The following NAV2 variants were observed in gnomAD, a reference collection of about 807,000 sequenced individuals.
The protein encoded by NAV2 is neuron navigator 2, also known as helicase, APC down-regulated 1.
NAV2 carries 54 observed loss-of-function variants against 223.2 expected under a neutral mutation model. The observed-to-expected ratio is 0.24, with a 90% CI of 0.19 to 0.30. NAV2 has a LOEUF of 0.30. Among genes scored for constraint, NAV2 ranks in the 10% least tolerant of loss-of-function variants. The pLI, the probability that NAV2 is intolerant of heterozygous loss-of-function variation, is 1.00. For missense variants in NAV2, 2,806 were observed against 3,147.5 expected, an observed-to-expected ratio of 0.89 and a Z score of 2.60; for synonymous variants, 1,279 against 1,239.3, an observed-to-expected ratio of 1.03 and a Z score of -0.67.
At chr11:19,763,800 GT>G (rs36000037) in intron 1 of NAV2, among the ~76,000 whole-genome samples, 6,870 of 87,450 alleles carry the variant, frequency 0.079, 305 homozygotes, top group African/African-American at 0.22. Context: ...TGTTTTTTTT[GT>G]TTTTTTTTTA....
At chr11:19,355,977 C>T (rs901049032) in intron 1 of NAV2, among the ~76,000 whole-genome samples, 1 of 152,224 alleles carries the variant, frequency 6.6e-6, no homozygotes, top group African/African-American at 2.4e-5. Flanking sequence ...TCAGCCCCAG[C>T]TCCCCAGATG....
chr11:20,112,950 A>G (rs1867124), intron 36 of NAV2, among the ~76,000 whole-genome samples: 131,173 of 152,172 alleles, frequency 0.86, 57,690 homozygotes, highest in Middle Eastern at 0.96. Context: ...GAGGGCAGGG[A>G]GAGCAGACAG....
At chr11:20,051,154 C>A in intron 16 of NAV2, 135 bp from the exon 17 acceptor site, 2 of 717,674 alleles carry the variant, frequency 2.8e-6, no homozygotes, top group Non-Finnish European at 5.0e-6. Flanking sequence ...GCATTGCACG[C>A]CTAGCTGGAT....
chr11:19,555,755 C>T (rs776268389), intron 1 of NAV2, among the ~76,000 whole-genome samples: 5 of 152,070 alleles, frequency 3.3e-5, no homozygotes, highest in Non-Finnish European at 7.4e-5. Context: ...ATGCCACCAC[C>T]AAGGAACAAT....
chr11:19,823,116 G>A (rs2059464409), intron 1 of NAV2, among the ~76,000 whole-genome samples: 1 of 152,208 alleles, frequency 6.6e-6, no homozygotes, highest in Admixed American at 6.5e-5. Context: ...GTGATCAGGG[G>A]TCACTGTAGC....
intron 1 of NAV2, among the ~76,000 whole-genome samples, chr11:19,352,193 G>A (rs917462420): frequency 2.6e-5 from 4 of 152,166 alleles, no homozygotes; most frequent in African/African-American, 4.8e-5. Context: ...GTTTTGTGGT[G>A]TTTGATTTAT....
intron 10 of NAV2, among the ~76,000 whole-genome samples, chr11:19,962,334 T>C (rs954092243): frequency 6.6e-6 from 1 of 152,044 alleles, no homozygotes; most frequent in Non-Finnish European, 1.5e-5. Flanking sequence ...ATCTAAAATA[T>C]TCCTTTGCAA....
the NAV2 span, among the ~76,000 whole-genome samples, chr11:19,345,684 G>C: frequency 6.6e-6 from 1 of 152,246 alleles, no homozygotes; most frequent in Non-Finnish European, 1.5e-5. This position sits in a 1 kb window ranked among gnomAD's most constrained non-coding sequence, Gnocchi z 5.2. Context: ...GCGGGGCTGG[G>C]CGCCCGGCGC....
chr11:19,566,149 G>A (rs2045263489), intron 1 of NAV2, among the ~76,000 whole-genome samples: 1 of 151,836 alleles, frequency 6.6e-6, no homozygotes, highest in East Asian at 1.9e-4. Flanking sequence ...GCTCACTGCA[G>A]CCTCAACCTC....
At chr11:19,934,364 A>G in intron 7 of NAV2, 87 bp downstream of exon 7, 1 of 1,414,338 alleles carries the variant, frequency 7.1e-7, no homozygotes, top group Non-Finnish European at 9.3e-7. Context: ...GGCAGAAGCT[A>G]GACTGTGCTC....
chr11:19,424,351 T>C (rs1043256055), intron 1 of NAV2, among the ~76,000 whole-genome samples: 6 of 152,186 alleles, frequency 3.9e-5, no homozygotes, highest in Non-Finnish European at 5.9e-5. Context: ...AAGAGAGGAA[T>C]TAAATATTTC....
chr11:19,391,469 G>A (rs557603204), intron 1 of NAV2, among the ~76,000 whole-genome samples: 1 of 152,304 alleles, frequency 6.6e-6, no homozygotes, highest in South Asian at 2.1e-4. Flanking sequence ...CAGTTTCAAA[G>A]GAGATCAAGT....
intron 1 of NAV2, among the ~76,000 whole-genome samples, chr11:19,662,505 A>G (rs2048312164): frequency 6.6e-6 from 1 of 152,194 alleles, no homozygotes; most frequent in Non-Finnish European, 1.5e-5. Flanking sequence ...TGAGAGGCCT[A>G]CCTTTCAGCC....
intron 1 of NAV2, among the ~76,000 whole-genome samples, chr11:19,406,860 A>T (rs528742230): frequency 1.3e-5 from 2 of 152,230 alleles, no homozygotes; most frequent in South Asian, 4.1e-4. Flanking sequence ...ACTGCTCCTG[A>T]TTCTCTCTCA....
intron 6 of NAV2, among the ~76,000 whole-genome samples, chr11:19,924,553 CTGTT>C (rs1274203435): frequency 6.6e-6 from 1 of 152,168 alleles, no homozygotes; most frequent in Non-Finnish European, 1.5e-5. Context: ...AGGGTTCTGT[CTGTT>C]AGGATAATGT....
intron 11 of NAV2, among the ~76,000 whole-genome samples, chr11:19,994,988 C>CT (rs1331460386): frequency 6.6e-6 from 1 of 152,194 alleles, no homozygotes; most frequent in Non-Finnish European, 1.5e-5. Context: ...AGCATGAACT[C>CT]TAAGTAACTC....
chr11:19,908,499 A>C (rs2043056453), intron 6 of NAV2, among the ~76,000 whole-genome samples: 1 of 152,212 alleles, frequency 6.6e-6, no homozygotes, highest in Non-Finnish European at 1.5e-5. Flanking sequence ...AGCACTGTCC[A>C]ACGGTACTTT....
At chr11:19,580,855 T>A (rs1302569383) in intron 1 of NAV2, among the ~76,000 whole-genome samples, 1 of 152,228 alleles carries the variant, frequency 6.6e-6, no homozygotes, top group Non-Finnish European at 1.5e-5. Flanking sequence ...TTACCAGCAA[T>A]GCAAAATTAT....
intron 34 of NAV2, 63 bp from the exon 35 acceptor site, chr11:20,105,468 C>A: frequency 7.0e-7 from 1 of 1,437,518 alleles, no homozygotes; most frequent in Non-Finnish European, 9.6e-7. Context: ...GCTTTGGTTC[C>A]TGAGGTCAGC....
Sources: gnomAD v4.1 joint callset for allele counts (sites outside exome capture counted in the v4.1 genomes callset) on GRCh38, gnomAD v4.1.1 for gene constraint, Gnocchi (gnomAD v3.1) non-coding constraint, MANE v1.5 for transcripts, NCBI Gene and HGNC (gene_info 2026-07-23, HGNC 2026-07-21) for gene names.